The following DMGDH variants were observed in gnomAD, a reference collection of about 807,000 sequenced individuals.
DMGDH encodes dimethylglycine dehydrogenase, also known as dimethylglycine dehydrogenase, mitochondrial.
A neutral mutation model predicts 95.2 loss-of-function variants in DMGDH; 76 were observed. The observed-to-expected ratio is 0.80, with a 90% confidence interval of 0.66 to 0.97. The LOEUF (loss-of-function observed/expected upper bound fraction) is 0.97, where lower values mean the gene tolerates loss of function less well. Among genes scored for constraint, DMGDH ranks in the 50% least tolerant of loss-of-function variants. The probability of loss-of-function intolerance (pLI) is 0.00; values close to 1 mark genes in which losing one functional copy is unlikely to be tolerated. For missense variants in DMGDH, 987 were observed against 1,055.0 expected, an observed-to-expected ratio of 0.94 and a Z score of 0.89; for synonymous variants, 345 against 377.6, an observed-to-expected ratio of 0.91 and a Z score of 1.00.
intron 14 of DMGDH, among the ~76,000 whole-genome samples, chr5:79,010,586 G>A (rs1010317778): frequency 1.3e-5 from 2 of 152,100 alleles, no homozygotes; most frequent in East Asian, 3.9e-4. Flanking sequence ...TGCCACCCCA[G>A]GTAGAATTGA....
rs529292180 is a variant in DMGDH at position 79,014,819 on chromosome 5, C to T, written c.2251-9412G>A. 6.6e-5 allele frequency among the ~76,000 whole-genome samples: 10 copies of T among 152,230 alleles called. No homozygotes were observed. In the South Asian group the frequency reaches 1.9e-3, roughly 28 times the overall value. On this transcript the variant is annotated intron_variant, in intron 14 of 15. Coordinates refer to ENST00000255189, the MANE Select transcript of DMGDH (RefSeq NM_013391.3). Reference sequence around the variant, plus strand: ...ACATCTAGTCAGAATCAGTAAATGTCAGAGTCACAATTCAAACCCTTCAAC... The same window carrying T: ...ACATCTAGTCAGAATCAGTAAATGTTAGAGTCACAATTCAAACCCTTCAAC...
intron 2 of DMGDH, among the ~76,000 whole-genome samples, chr5:79,062,584 G>A (rs569964266): frequency 6.6e-6 from 1 of 152,122 alleles, no homozygotes; most frequent in Admixed American, 6.6e-5. Flanking sequence ...TCCCTGGTTT[G>A]GCAATATGAC....
intron 2 of DMGDH, among the ~76,000 whole-genome samples, chr5:79,061,889 A>G (rs1017496541): frequency 6.6e-6 from 1 of 152,194 alleles, no homozygotes; most frequent in Non-Finnish European, 1.5e-5. Context: ...AGCCTGGGCA[A>G]CAGAGAAAGA....
intron 11 of DMGDH, 96 bp downstream of exon 11, chr5:79,029,808 A>G: frequency 8.1e-7 from 1 of 1,239,278 alleles, no homozygotes; most frequent in Non-Finnish European, 1.1e-6. Flanking sequence ...GAAGAAATAA[A>G]GTTGTACTTT....
In DMGDH at chr5:79,051,498, C is replaced by A; in HGVS notation, c.541-7G>T. The A allele has an allele frequency of 1.2e-6, 2 of 1,611,838 alleles. No homozygotes were observed. Among genetic ancestry groups the A allele is most frequent in the South Asian group, 2.2e-5 (2 of 90,972 alleles). ...TATACAATCCAGCTAAAACCTAAAT[C>A]AATCATACCAGAGTCAATACTCAAA... On this transcript the variant is annotated splice_polypyrimidine_tract_variant and splice_region_variant and intron_variant, in intron 4 of 15. Transcript: ENST00000255189.
Position 79,021,519 on chromosome 5 carries a change from C to T in DMGDH, c.2250+2752G>A, listed in dbSNP as rs111781602. The stretch of plus-strand genomic sequence containing the variant: ...CGGAAGGAAGCAAGGGCCACTGCGC[C>T]GTCTCCCTTTGTGATGAAAGAGTTC... On this transcript the variant is annotated intron_variant, in intron 14 of 15. Coordinates refer to ENST00000255189, the MANE Select transcript of DMGDH (RefSeq NM_013391.3). 1,038 of 1,279,712 alleles carry T rather than the reference C, an allele frequency of 8.1e-4. 12 individuals carry two copies. In the African/African-American group the frequency reaches 0.014, roughly 18 times the overall value. 79.3% of individuals were successfully genotyped at this position (1,279,712 alleles called of 1,614,324 possible).
chr5:79,051,805 A>G (rs2431330), intron 4 of DMGDH, among the ~76,000 whole-genome samples: 71,567 of 150,942 alleles, frequency 0.47, 17,672 homozygotes, highest in East Asian at 0.64. Flanking sequence ...ATAAATTCAC[A>G]TTAAATAATA....
At chr5:79,058,874 T>C (rs1755111169) in intron 2 of DMGDH, among the ~76,000 whole-genome samples, 1 of 152,216 alleles carries the variant, frequency 6.6e-6, no homozygotes, top group Admixed American at 6.5e-5. Context: ...GGATGCTAAC[T>C]AGTGCTTCCC....
chr5:79,008,752 A>C (rs1483621799), intron 14 of DMGDH, among the ~76,000 whole-genome samples: 1 of 152,190 alleles, frequency 6.6e-6, no homozygotes, highest in African/African-American at 2.4e-5. Flanking sequence ...AGAGTGGGCA[A>C]AAACTTTCTC....
At position 79,033,419 on chromosome 5, in the gene DMGDH, C is replaced by T; in HGVS notation, c.1194-11G>A. The T allele has an allele frequency of 6.2e-7, 1 of 1,613,972 alleles. No individual in the cohort carries two copies. The highest frequency in any genetic ancestry group is 1.1e-5 in the South Asian group (1 of 91,088). On this transcript the variant is annotated splice_polypyrimidine_tract_variant and intron_variant, in intron 7 of 15. Coordinates refer to ENST00000255189, the MANE Select transcript of DMGDH (RefSeq NM_013391.3). ...TGGATTATGCCATATCTTTCAAATA[C>T]AGGGATAGAAAACCCATTACTAACA...
chr5:79,003,708 G>A (rs1311185790), intron 15 of DMGDH, among the ~76,000 whole-genome samples: 2 of 152,098 alleles, frequency 1.3e-5, no homozygotes, highest in East Asian at 1.9e-4. Context: ...CCAGCACTTC[G>A]GGAGGCCAAG....
Position 79,033,427 on chromosome 5 carries a change from G to A in DMGDH, c.1194-19C>T. 6.2e-7 allele frequency: 1 copy of A among 1,613,662 alleles called. No individual in the cohort carries two copies. Among genetic ancestry groups the A allele is most frequent in the Non-Finnish European group, 8.5e-7 (1 of 1,179,888 alleles). Reference sequence around the variant, plus strand: ...GCCATATCTTTCAAATACAGGGATAGAAAACCCATTACTAACACATGTAGT... The same window carrying A: ...GCCATATCTTTCAAATACAGGGATAAAAAACCCATTACTAACACATGTAGT... On this transcript the variant is annotated intron_variant, in intron 7 of 15. Coordinates refer to ENST00000255189, the MANE Select transcript of DMGDH (RefSeq NM_013391.3).
At chr5:79,051,977 T>A (rs1347579000) in intron 4 of DMGDH, among the ~76,000 whole-genome samples, 1 of 152,248 alleles carries the variant, frequency 6.6e-6, no homozygotes, top group Non-Finnish European at 1.5e-5. Context: ...ATATTATATA[T>A]GGGTCTCATC....
chr5:78,999,404 C>T (rs913463633), intron 15 of DMGDH, among the ~76,000 whole-genome samples: 1 of 152,214 alleles, frequency 6.6e-6, no homozygotes, highest in Non-Finnish European at 1.5e-5. Context: ...CATCTCAGCT[C>T]ACTGCAAGCT....
At chr5:79,059,387 T>A (rs1229904095) in intron 2 of DMGDH, among the ~76,000 whole-genome samples, 1 of 152,200 alleles carries the variant, frequency 6.6e-6, no homozygotes, top group Non-Finnish European at 1.5e-5. Context: ...TGGCTGTGTC[T>A]CTGCATCCTG....
chr5:78,999,357 GTC>G (rs1224972367), intron 15 of DMGDH, among the ~76,000 whole-genome samples: 2 of 152,016 alleles, frequency 1.3e-5, no homozygotes, highest in Non-Finnish European at 2.9e-5. Context: ...TTGAGACAGA[GTC>G]TCTCTGTGTC....
intron 13 of DMGDH, among the ~76,000 whole-genome samples, chr5:79,025,542 C>G (rs1013825250): frequency 6.6e-5 from 10 of 152,188 alleles, no homozygotes; most frequent in Admixed American, 1.3e-4. Flanking sequence ...TAGACTCTCT[C>G]TACTATCTAT....
At chr5:79,042,090 T>G (rs1754524948) in intron 7 of DMGDH, among the ~76,000 whole-genome samples, 193 bp downstream of exon 7, 1 of 152,228 alleles carries the variant, frequency 6.6e-6, no homozygotes, top group South Asian at 2.1e-4. Flanking sequence ...TACAAGTGAT[T>G]GAACCAGTAT....
At chr5:79,030,433 C>T (rs1356467451) in intron 10 of DMGDH, 1 of 252,284 alleles carries the variant, frequency 4.0e-6, no homozygotes, top group South Asian at 5.0e-5. Flanking sequence ...GGGTGGATCA[C>T]CTGAGGTCAG....
Sources: gnomAD v4.1 joint callset for allele counts (sites outside exome capture counted in the v4.1 genomes callset) on GRCh38, gnomAD v4.1.1 for gene constraint, MANE v1.5 for transcripts, NCBI Gene and HGNC (gene_info 2026-07-23, HGNC 2026-07-21) for gene names.